The following LRBA variants were observed in gnomAD, a reference collection of about 807,000 sequenced individuals.
The protein encoded by LRBA is LPS responsive beige-like anchor protein.
A neutral mutation model predicts 330.0 loss-of-function variants in LRBA; 176 were observed. The observed-to-expected ratio is 0.53, with a 90% CI of 0.47 to 0.60. The LOEUF (loss-of-function observed/expected upper bound fraction) is 0.60. Among genes scored for constraint, LRBA ranks in the 20% least tolerant of loss-of-function variants. The pLI is 0.00. For missense variants in LRBA, 3,259 were observed against 3,444.8 expected (o/e 0.95, Z 1.35); for synonymous variants, 1,230 against 1,193.0 (o/e 1.03, Z -0.64).
chr4:150,504,867 A>G (rs1370546453), intron 40 of LRBA, among the ~76,000 whole-genome samples: 2 of 152,196 alleles, frequency 1.3e-5, no homozygotes, highest in African/African-American at 4.8e-5. Flanking sequence ...CTCAAAATAA[A>G]GGGATGGAGG....
chr4:150,629,751 C>T (rs1371794898), intron 37 of LRBA, among the ~76,000 whole-genome samples: 1 of 152,056 alleles, frequency 6.6e-6, no homozygotes, highest in African/African-American at 2.4e-5. Flanking sequence ...GCATGGATTG[C>T]CTGAAGTCAG....
intron 36 of LRBA, among the ~76,000 whole-genome samples, chr4:150,715,302 A>T (rs973132114): frequency 1.3e-5 from 2 of 152,208 alleles, no homozygotes; most frequent in African/African-American, 4.8e-5. Flanking sequence ...CATTTAGTGC[A>T]GTATATAATC....
intron 33 of LRBA, among the ~76,000 whole-genome samples, chr4:150,804,225 T>C (rs925288832): frequency 6.6e-6 from 1 of 152,212 alleles, no homozygotes; most frequent in Non-Finnish European, 1.5e-5. Flanking sequence ...TATCCTTCAA[T>C]AGATCTAAGG....
intron 40 of LRBA, among the ~76,000 whole-genome samples, chr4:150,510,736 G>A (rs192599475): frequency 1.3e-5 from 2 of 152,154 alleles, no homozygotes; most frequent in African/African-American, 4.8e-5. Context: ...TGGGGTGTGA[G>A]ATGTAGAGCT....
intron 40 of LRBA, among the ~76,000 whole-genome samples, chr4:150,559,690 T>A (rs113263196): frequency 0.056 from 4,984 of 88,420 alleles, 212 homozygotes; most frequent in East Asian, 0.15. Flanking sequence ...TATATTATAT[T>A]ATATATTATA....
intron 40 of LRBA, among the ~76,000 whole-genome samples, chr4:150,556,460 T>C (rs1305859498): frequency 6.6e-6 from 1 of 152,238 alleles, no homozygotes. Flanking sequence ...TCCTACATAG[T>C]TGGCATACTG....
intron 42 of LRBA, among the ~76,000 whole-genome samples, chr4:150,477,455 G>T (rs1756839901): frequency 1.3e-5 from 2 of 152,106 alleles, no homozygotes; most frequent in Non-Finnish European, 2.9e-5. Context: ...AGCAGTGGGG[G>T]TGGGAGAACC....
intron 47 of LRBA, among the ~76,000 whole-genome samples, chr4:150,369,368 C>A (rs1016342928): frequency 1.3e-5 from 2 of 152,144 alleles, no homozygotes; most frequent in Middle Eastern, 3.4e-3. Flanking sequence ...GTGGTGCTAA[C>A]CTGATATAAT....
chr4:150,979,588 CAAA>C (rs2149601577), intron 2 of LRBA, among the ~76,000 whole-genome samples: 1 of 152,104 alleles, frequency 6.6e-6, no homozygotes, highest in South Asian at 2.1e-4. Context: ...ACAGAAACAA[CAAA>C]AAGTTAAAAA....
chr4:150,880,553 T>C (rs1046119951), intron 17 of LRBA, among the ~76,000 whole-genome samples: 3 of 148,526 alleles, frequency 2.0e-5, no homozygotes, highest in African/African-American at 7.4e-5. Context: ...TAGCTCAAGA[T>C]GGATTAAAGG....
chr4:150,513,568 A>G (rs1762048345), intron 40 of LRBA, among the ~76,000 whole-genome samples: 1 of 152,142 alleles, frequency 6.6e-6, no homozygotes, highest in Admixed American at 6.5e-5. Flanking sequence ...GGCTTAAACA[A>G]CAGGTGTGAT....
chr4:150,764,448 C>T (rs1331702365), intron 34 of LRBA, among the ~76,000 whole-genome samples: 3 of 152,042 alleles, frequency 2.0e-5, no homozygotes, highest in Non-Finnish European at 1.5e-5. Flanking sequence ...AGCAAGGTTA[C>T]AGGATACAAG....
At chr4:150,510,131 C>T (rs941211332) in intron 40 of LRBA, among the ~76,000 whole-genome samples, 1 of 151,968 alleles carries the variant, frequency 6.6e-6, no homozygotes, top group Non-Finnish European at 1.5e-5. Context: ...CAGAGTGAGA[C>T]TCCATCTCAA....
At chr4:150,271,589 A>C (rs1347860622) in intron 56 of LRBA, among the ~76,000 whole-genome samples, 4 of 143,228 alleles carry the variant, frequency 2.8e-5, no homozygotes, top group African/African-American at 1.1e-4. Flanking sequence ...CATGGAGCCC[A>C]GCAAGCTAAG....
At chr4:150,970,564 C>CGTGTGT in intron 2 of LRBA, 1 of 136,026 alleles carries the variant, frequency 7.4e-6, no homozygotes, top group Non-Finnish European at 1.6e-5. Context: ...TGTACACACA[C>CGTGTGT]ACACACACAC....
chr4:150,453,543 C>T lies in LRBA; in HGVS notation c.6780+14130G>A, dbSNP rs1004910783. On this transcript the variant is annotated intron_variant, in intron 44 of 56. Coordinates refer to ENST00000651943, the MANE Select transcript of LRBA (RefSeq NM_001364905.1). ...ATAAGTAGCATTAGCAGCCACAATA[C>T]AGAAGAATAGTAATAATTCTGTTTG... 3.9e-5 allele frequency among the ~76,000 whole-genome samples: 6 copies of T among 152,280 alleles called. No individual in the cohort carries two copies. In the South Asian group the frequency reaches 8.3e-4, roughly 21 times the overall value.
intron 28 of LRBA, among the ~76,000 whole-genome samples, chr4:150,836,141 G>C (rs574446066): frequency 2.6e-5 from 4 of 152,264 alleles, no homozygotes; most frequent in South Asian, 4.1e-4. Context: ...TTGCATCCCA[G>C]GGATGAAGCC....
chr4:150,657,014 G>C (rs1010752387), intron 37 of LRBA, among the ~76,000 whole-genome samples: 1 of 152,190 alleles, frequency 6.6e-6, no homozygotes, highest in African/African-American at 2.4e-5. Context: ...AGAGCCCATA[G>C]AATGGGAATA....
intron 44 of LRBA, among the ~76,000 whole-genome samples, chr4:150,443,988 C>G (rs1026431886): frequency 2.0e-5 from 3 of 149,450 alleles, no homozygotes; most frequent in African/African-American, 4.9e-5. Flanking sequence ...AGAATCCTTT[C>G]ATGGGAGCTT....
Sources: allele counts gnomAD v4.1 joint callset (sites outside exome capture counted in the v4.1 genomes callset), GRCh38; gene constraint gnomAD v4.1.1; transcripts MANE v1.5; gene names NCBI Gene and HGNC (gene_info 2026-07-23, HGNC 2026-07-21).